Variants in DIAPH2 observed in about 807,000 individuals in gnomAD.
DIAPH2 encodes diaphanous related formin 2, also known as protein diaphanous homolog 2.
A neutral mutation model predicts 92.7 loss-of-function variants in DIAPH2; 35 were observed. The observed-to-expected ratio is 0.38, with a 90% CI of 0.29 to 0.50. DIAPH2 has a LOEUF of 0.50. Among genes scored for constraint, DIAPH2 ranks in the 20% least tolerant of loss-of-function variants. The pLI is 0.94. For missense variants in DIAPH2, 701 were observed against 819.5 expected, an observed-to-expected ratio of 0.86 and a Z score of 1.77; for synonymous variants, 301 against 280.4, an observed-to-expected ratio of 1.07 and a Z score of -0.73.
intron 26 of DIAPH2, among the ~76,000 whole-genome samples, chrX:97,531,736 A>T (rs984904180): frequency 9.8e-5 from 11 of 112,198 alleles, no homozygotes; most frequent in Non-Finnish European, 1.9e-4. Flanking sequence ...TAGAGAGATG[A>T]TGATTACAAT....
At chrX:97,388,534 T>C (rs2069623214) in intron 25 of DIAPH2, among the ~76,000 whole-genome samples, 1 of 111,078 alleles carries the variant, frequency 9.0e-6, no homozygotes, top group Admixed American at 9.6e-5. Context: ...GTTACTGTTT[T>C]TTTTTCCTAA....
Position 97,384,062 on chromosome X carries a change from AT to A in DIAPH2, c.3145+23del. ...AAACAAAGGTATGAAAATATTTCCA[AT>A]TTTTACAAAAATGCAAGAAGTACAA... is the stretch of plus-strand genomic sequence containing the variant. On this transcript the variant is annotated intron_variant, in intron 25 of 26. Coordinates refer to ENST00000324765, the MANE Select transcript of DIAPH2 (RefSeq NM_006729.5). 3.6e-6 allele frequency: 4 copies of A among 1,126,134 alleles called. No individual in the cohort carries two copies. The highest frequency in any genetic ancestry group is 4.8e-6 in the Non-Finnish European group (4 of 839,146). The allele number at this position is 1,126,134 out of a possible 1,213,427, so 92.8% of individuals were successfully genotyped here.
intron 4 of DIAPH2, among the ~76,000 whole-genome samples, chrX:96,789,743 C>T (rs1030177551): frequency 8.9e-6 from 1 of 111,805 alleles, no homozygotes; most frequent in Non-Finnish European, 1.9e-5. Context: ...ACCAAACATA[C>T]CTGATCCCCA....
intron 26 of DIAPH2, among the ~76,000 whole-genome samples, chrX:97,534,870 T>C (rs967284952): frequency 4.5e-5 from 5 of 111,810 alleles, no homozygotes; most frequent in Admixed American, 9.5e-5. Flanking sequence ...AGGTAGATAA[T>C]ATGTTCTCTT....
intron 4 of DIAPH2, among the ~76,000 whole-genome samples, chrX:96,780,647 A>G (rs1243348085): frequency 1.8e-5 from 2 of 108,619 alleles, no homozygotes; most frequent in African/African-American, 3.4e-5. Context: ...ATGCCTGGCT[A>G]ATTTTTTTGT....
intron 4 of DIAPH2, among the ~76,000 whole-genome samples, chrX:96,869,010 A>G (rs1040514640): frequency 4.5e-5 from 5 of 112,283 alleles, no homozygotes; most frequent in African/African-American, 1.6e-4. Flanking sequence ...TCATAGATTC[A>G]ACAGGGCAGG....
At chrX:96,991,140 G>A (rs2066067131) in intron 17 of DIAPH2, among the ~76,000 whole-genome samples, 1 of 106,562 alleles carries the variant, frequency 9.4e-6, no homozygotes, top group African/African-American at 3.5e-5. Flanking sequence ...TTGAGATGAA[G>A]TTTCGCTCTT....
At chrX:97,368,213 T>C (rs1407005874) in intron 24 of DIAPH2, among the ~76,000 whole-genome samples, 4 of 112,494 alleles carry the variant, frequency 3.6e-5, no homozygotes, top group African/African-American at 1.3e-4. Flanking sequence ...GGTCCTATTA[T>C]TTTGACGTGG....
chrX:97,389,598 A>G (rs192607976), intron 25 of DIAPH2, among the ~76,000 whole-genome samples: 1 of 111,258 alleles, frequency 9.0e-6, no homozygotes, highest in African/African-American at 3.3e-5. Flanking sequence ...AAATGTGTCT[A>G]TAACAGACAA....
intron 26 of DIAPH2, among the ~76,000 whole-genome samples, chrX:97,539,616 G>A (rs1289230329): frequency 8.9e-6 from 1 of 111,872 alleles, no homozygotes; most frequent in African/African-American, 3.2e-5. Flanking sequence ...AGACAGATAT[G>A]TATAACTTCT....
intron 21 of DIAPH2, among the ~76,000 whole-genome samples, chrX:97,129,268 G>C (rs1368418941): frequency 9.3e-6 from 1 of 107,962 alleles, no homozygotes; most frequent in Admixed American, 1.0e-4. Flanking sequence ...CTGGGTTCAA[G>C]CAATTATCCT....
intron 23 of DIAPH2, among the ~76,000 whole-genome samples, chrX:97,273,745 A>T (rs991435224): frequency 2.7e-5 from 3 of 112,102 alleles, no homozygotes; most frequent in African/African-American, 9.7e-5. Context: ...TTGACTAATT[A>T]GGCCACCTGG....
chrX:97,440,239 G>GT (rs1251064385), intron 26 of DIAPH2, among the ~76,000 whole-genome samples: 1 of 111,502 alleles, frequency 9.0e-6, no homozygotes, highest in East Asian at 2.8e-4. Context: ...CAATTTTAAT[G>GT]TGCTTCCAAA....
At chrX:96,781,731 A>G (rs2064419430) in intron 4 of DIAPH2, among the ~76,000 whole-genome samples, 1 of 110,702 alleles carries the variant, frequency 9.0e-6, no homozygotes, top group African/African-American at 3.3e-5. Flanking sequence ...TAAGTATTTT[A>G]TGGATGAAGG....
intron 26 of DIAPH2, among the ~76,000 whole-genome samples, chrX:97,578,333 A>T (rs1420776587): frequency 1.0e-5 from 1 of 96,300 alleles, no homozygotes; most frequent in East Asian, 3.2e-4. Context: ...CCCCCACCCC[A>T]CAACAGTCCC....
intron 23 of DIAPH2, among the ~76,000 whole-genome samples, chrX:97,307,631 G>A (rs1204435237): frequency 1.8e-5 from 2 of 111,299 alleles, no homozygotes; most frequent in Admixed American, 9.6e-5. Context: ...ATCATAGGCT[G>A]GGTGCGGTGG....
chrX:96,707,740 A>G lies in DIAPH2; in HGVS notation c.132+22550A>G, dbSNP rs150797069. Among the ~76,000 whole-genome samples, 284 of 111,724 alleles carry G rather than the reference A, an allele frequency of 2.5e-3. 2 individuals are homozygous for G. Among genetic ancestry groups the G allele is most frequent in the African/African-American group, 8.7e-3 (268 of 30,756 alleles). ...TGCTGTAGGGTATCACCAAGACACA[A>G]TGATTTAATGACAACCACTTCTTTC... On this transcript the variant is annotated intron_variant, in intron 1 of 26. Coordinates refer to ENST00000324765, the MANE Select transcript of DIAPH2 (RefSeq NM_006729.5).
intron 4 of DIAPH2, among the ~76,000 whole-genome samples, chrX:96,789,124 T>G (rs919841873): frequency 8.9e-6 from 1 of 112,027 alleles, no homozygotes; most frequent in African/African-American, 3.2e-5. Context: ...AGGCGGAGTT[T>G]GGAGGAATCT....
chrX:97,550,249 C>T (rs903518422), intron 26 of DIAPH2, among the ~76,000 whole-genome samples: 3 of 111,903 alleles, frequency 2.7e-5, no homozygotes, highest in African/African-American at 9.8e-5. Context: ...ATCCCAGCTA[C>T]TCCGGAGGCG....
Sources: allele counts gnomAD v4.1 joint callset (sites outside exome capture counted in the v4.1 genomes callset), GRCh38; gene constraint gnomAD v4.1.1; transcripts MANE v1.5; gene names NCBI Gene and HGNC (gene_info 2026-07-23, HGNC 2026-07-21).